The following NHEJ1 variants were observed in gnomAD, a reference collection of about 807,000 sequenced individuals.
NHEJ1 encodes non-homologous end joining factor 1.
A neutral mutation model predicts 39.4 loss-of-function variants in NHEJ1; 22 were observed. That is an observed-to-expected ratio of 0.56 (90% CI 0.40 to 0.80). The LOEUF is 0.80. NHEJ1 is among the 30% of genes least tolerant of loss of function. The pLI, the probability that NHEJ1 is intolerant of heterozygous loss-of-function variation, is 0.00. For synonymous variants in NHEJ1, 154 were observed against 135.6 expected, an observed-to-expected ratio of 1.14 and a Z score of -0.94; for missense variants, 329 against 357.1, an observed-to-expected ratio of 0.92 and a Z score of 0.63.
intron 6 of NHEJ1, 124 bp downstream of exon 6, chr2:219,077,965 T>C: frequency 2.7e-6 from 2 of 752,402 alleles, no homozygotes; most frequent in Non-Finnish European, 4.6e-6. Context: ...TTTTTAGTTT[T>C]ATTTCATTTT....
chr2:219,126,113 G>A (rs935866294), intron 5 of NHEJ1, among the ~76,000 whole-genome samples: 2 of 152,158 alleles, frequency 1.3e-5, no homozygotes, highest in Admixed American at 6.5e-5. Flanking sequence ...ATTCCACTTT[G>A]GGACTTTGCC....
At chr2:219,088,234 C>T (rs1029750675) in intron 5 of NHEJ1, among the ~76,000 whole-genome samples, 3 of 152,182 alleles carry the variant, frequency 2.0e-5, no homozygotes, top group Non-Finnish European at 4.4e-5. Context: ...ATTTCCCCAA[C>T]ACAAGTAGGT....
intron 1 of NHEJ1, among the ~76,000 whole-genome samples, chr2:219,159,578 T>TATATATGC (rs1553549878): frequency 0.24 from 13,509 of 56,146 alleles, 2,226 homozygotes; most frequent in Non-Finnish European, 0.31. Flanking sequence ...TATATATGCA[T>TATATATGC]ATATATATGC....
intron 5 of NHEJ1, among the ~76,000 whole-genome samples, chr2:219,116,394 T>C (rs944065390): frequency 7.2e-5 from 11 of 152,170 alleles, no homozygotes; most frequent in African/African-American, 2.7e-4. Context: ...TCTCACTTTG[T>C]AGCCCAGGCT....
chr2:219,129,524 G>A (rs1233799438), intron 5 of NHEJ1, among the ~76,000 whole-genome samples: 1 of 152,128 alleles, frequency 6.6e-6, no homozygotes, highest in Non-Finnish European at 1.5e-5. Context: ...TTAATCAAGG[G>A]AGCTTACTCT....
chr2:219,080,589 A>ATATATATATGCTAATATATATAAGCT lies in NHEJ1; in HGVS notation c.589-2409_589-2384dup, dbSNP rs746155454. Among the ~76,000 whole-genome samples, 23 of 65,510 alleles carry ATATATATATGCTAATATATATAAGCT rather than the reference A, an allele frequency of 3.5e-4. 2 individuals carry two copies. Among genetic ancestry groups the ATATATATATGCTAATATATATAAGCT allele is most frequent in the East Asian group, 1.1e-3 (3 of 2,718 alleles). 43.0% of individuals were successfully genotyped at this position (65,510 alleles called of 152,430 possible). A position where few individuals can be genotyped will look rare whatever the true frequency, so the allele number is the denominator to read the frequency against. ...TATATGCTTTTATATATATACGCTT[A>ATATATATATGCTAATATATATAAGCT]TATATATATGCTAATATATATAAGC... On this transcript the variant is annotated intron_variant, in intron 5 of 7. Coordinates refer to ENST00000356853, the MANE Select transcript of NHEJ1 (RefSeq NM_024782.3).
rs2106318547 is a variant in NHEJ1, at chr2:219,075,937, TA to T, written c.*443del. On this transcript the variant is annotated 3_prime_UTR_variant, in exon 8 of 8. Transcript: ENST00000356853. Reference sequence around the variant, plus strand: ...ACCCAGTGAAGGAAGTGAATTGGGTTATGAGTTCCACAGCATAAGTAATCCC... The same window carrying T: ...ACCCAGTGAAGGAAGTGAATTGGGTTTGAGTTCCACAGCATAAGTAATCCC... 1 of 199,414 alleles carries T rather than the reference TA, an allele frequency of 5.0e-6. No homozygotes were observed. The highest frequency in any genetic ancestry group is 1.3e-4 in the South Asian group (1 of 7,524). 12.4% of individuals were successfully genotyped at this position (199,414 alleles called of 1,614,324 possible).
intron 5 of NHEJ1, among the ~76,000 whole-genome samples, chr2:219,105,978 C>A (rs1023486594): frequency 6.6e-6 from 1 of 152,102 alleles, no homozygotes; most frequent in African/African-American, 2.4e-5. Context: ...TAACATAATG[C>A]CTTGCAAATA....
intron 5 of NHEJ1, among the ~76,000 whole-genome samples, chr2:219,085,871 C>G (rs1271779383): frequency 3.3e-5 from 5 of 152,194 alleles, no homozygotes; most frequent in Non-Finnish European, 5.9e-5. Flanking sequence ...GCCTCTCTCT[C>G]ACGATGCTGG....
At chr2:219,093,467 G>T (rs557578167) in intron 5 of NHEJ1, among the ~76,000 whole-genome samples, 9 of 152,294 alleles carry the variant, frequency 5.9e-5, no homozygotes, top group African/African-American at 2.2e-4. Context: ...ACAGATTTTT[G>T]ATATTATTGG....
intron 5 of NHEJ1, among the ~76,000 whole-genome samples, chr2:219,092,116 ACT>A (rs1949166239): frequency 6.6e-6 from 1 of 152,056 alleles, no homozygotes; most frequent in South Asian, 2.1e-4. Flanking sequence ...ACATAGTAAG[ACT>A]CTGTCTCTAT....
intron 5 of NHEJ1, among the ~76,000 whole-genome samples, chr2:219,096,731 G>C (rs1055832635): frequency 2.0e-5 from 3 of 152,188 alleles, no homozygotes; most frequent in Non-Finnish European, 4.4e-5. Flanking sequence ...TAAGACAGGA[G>C]TGTGCCCAGG....
At chr2:219,114,686 C>T (rs1240787814) in intron 5 of NHEJ1, among the ~76,000 whole-genome samples, 1 of 152,228 alleles carries the variant, frequency 6.6e-6, no homozygotes, top group African/African-American at 2.4e-5. Flanking sequence ...AAGTGACCCA[C>T]AGACCTGGAG....
intron 5 of NHEJ1, among the ~76,000 whole-genome samples, chr2:219,124,946 C>A (rs193163643): frequency 6.6e-6 from 1 of 152,162 alleles, no homozygotes; most frequent in East Asian, 1.9e-4. Flanking sequence ...CTGAGGGGCC[C>A]CCTTCAGATT....
chr2:219,134,272 G>C (rs1158303204), intron 5 of NHEJ1, among the ~76,000 whole-genome samples: 1 of 152,154 alleles, frequency 6.6e-6, no homozygotes, highest in African/African-American at 2.4e-5. Context: ...GACAAATATG[G>C]GTAAATCAAC....
intron 5 of NHEJ1, among the ~76,000 whole-genome samples, chr2:219,120,677 T>C (rs1436109097): frequency 6.6e-6 from 1 of 152,160 alleles, no homozygotes; most frequent in Non-Finnish European, 1.5e-5. Context: ...GCTTAAATTA[T>C]ATGCAAGTAT....
Position 219,146,642 on chromosome 2 carries a change from T to C in NHEJ1, c.588+38A>G, listed in dbSNP as rs752212186. On this transcript the variant is annotated intron_variant, in intron 5 of 7. Transcript: ENST00000356853. ...CACTCAGGCACCTGGAAAGAGGAAG[T>C]AGGGCAAAGACACACAAGAAAATGA... is the stretch of plus-strand genomic sequence containing the variant. The C allele has an allele frequency of 3.9e-6, 6 of 1,527,128 alleles. No individual in the cohort carries two copies. In the Admixed American group the frequency reaches 5.0e-5, roughly 13 times the overall value. The allele number at this position is 1,527,128 out of a possible 1,614,324, so 94.6% of individuals were successfully genotyped here. A position where few individuals can be genotyped will look rare whatever the true frequency, so the allele number is the denominator to read the frequency against.
intron 2 of NHEJ1, 44 bp downstream of exon 2, chr2:219,158,142 G>C: frequency 6.2e-7 from 1 of 1,606,832 alleles, no homozygotes; most frequent in Non-Finnish European, 8.5e-7. Flanking sequence ...CAAGCTGGTT[G>C]ATGTTCACAT....
intron 5 of NHEJ1, among the ~76,000 whole-genome samples, chr2:219,137,771 C>T (rs1949649503): frequency 1.3e-5 from 2 of 152,006 alleles, no homozygotes; most frequent in Non-Finnish European, 2.9e-5. Context: ...AAATGTCTTC[C>T]ACATAGTTTT....
Sources: allele counts gnomAD v4.1 joint callset (sites outside exome capture counted in the v4.1 genomes callset), GRCh38; gene constraint gnomAD v4.1.1; transcripts MANE v1.5; gene names NCBI Gene and HGNC (gene_info 2026-07-23, HGNC 2026-07-21).